Variants in CCDC171 observed in about 807,000 individuals in gnomAD.
The protein encoded by CCDC171 is coiled-coil domain containing 171.
Under a neutral mutation model 168.2 loss-of-function variants are expected in CCDC171, and 177 were observed. The observed-to-expected ratio is 1.05, with a 90% CI of 0.93 to 1.19. The LOEUF (loss-of-function observed/expected upper bound fraction) is 1.19, where lower values mean the gene tolerates loss of function less well. Among genes scored for constraint, CCDC171 ranks in the 50% most tolerant of loss-of-function variants. The pLI is 0.00. For missense variants in CCDC171, 1,991 were observed against 1,539.0 expected, an observed-to-expected ratio of 1.29 and a Z score of -4.91; for synonymous variants, 687 against 540.8, an observed-to-expected ratio of 1.27 and a Z score of -3.75.
chr9:15,634,263 T>G (rs771944848), intron 7 of CCDC171, among the ~76,000 whole-genome samples: 4 of 152,142 alleles, frequency 2.6e-5, no homozygotes, highest in African/African-American at 9.7e-5. Flanking sequence ...ATTAAAGATA[T>G]AATTTGAATA....
intron 24 of CCDC171, among the ~76,000 whole-genome samples, chr9:15,911,922 C>T (rs1167279793): frequency 6.6e-6 from 1 of 152,140 alleles, no homozygotes; most frequent in Non-Finnish European, 1.5e-5. Context: ...TGTTTTGGTA[C>T]CAGTACCATG....
At chr9:15,931,337 T>C (rs1589158905) in intron 25 of CCDC171, among the ~76,000 whole-genome samples, 1 of 151,722 alleles carries the variant, frequency 6.6e-6, no homozygotes, top group Non-Finnish European at 1.5e-5. Flanking sequence ...CCCTGATGAT[T>C]AGTGATGTTG....
intron 24 of CCDC171, among the ~76,000 whole-genome samples, chr9:15,903,356 G>T (rs1411491002): frequency 6.6e-6 from 1 of 152,118 alleles, no homozygotes; most frequent in African/African-American, 2.4e-5. Flanking sequence ...TGATCAGGCG[G>T]CAACCTTTGC....
chr9:15,745,006 A>G (rs1016179975), intron 17 of CCDC171, among the ~76,000 whole-genome samples: 4 of 152,208 alleles, frequency 2.6e-5, no homozygotes, highest in African/African-American at 7.2e-5. Flanking sequence ...GCAAATATAT[A>G]TAATTTCAAC....
chr9:15,686,990 A>G (rs910757739), intron 10 of CCDC171, among the ~76,000 whole-genome samples: 1 of 152,224 alleles, frequency 6.6e-6, no homozygotes, highest in African/African-American at 2.4e-5. Flanking sequence ...ATTCTTGTGG[A>G]TAGATCATAT....
intron 6 of CCDC171, among the ~76,000 whole-genome samples, chr9:16,027,250 T>C (rs867659441): frequency 2.4e-4 from 36 of 152,218 alleles, no homozygotes; most frequent in African/African-American, 7.7e-4. Flanking sequence ...GTGGGAATGA[T>C]ATTTTATTTA....
chr9:15,822,280 T>C (rs1292689537), intron 21 of CCDC171, among the ~76,000 whole-genome samples: 1 of 151,966 alleles, frequency 6.6e-6, no homozygotes, highest in Non-Finnish European at 1.5e-5. Context: ...TGGGCAAGGA[T>C]TTCATGTCTA....
intron 10 of CCDC171, among the ~76,000 whole-genome samples, chr9:15,685,739 G>C (rs2133562035): frequency 6.6e-6 from 1 of 152,076 alleles, no homozygotes; most frequent in Non-Finnish European, 1.5e-5. Flanking sequence ...TAATAAAACT[G>C]AAACAATTTG....
chr9:15,622,915 C>CTT (rs1448569942), intron 6 of CCDC171, among the ~76,000 whole-genome samples: 1 of 152,056 alleles, frequency 6.6e-6, no homozygotes, highest in Non-Finnish European at 1.5e-5. Context: ...GGGCAATATA[C>CTT]ATTTAAAAAT....
rs193070502 is a variant in CCDC171, at chr9:15,682,127, A to G, written c.1215+3231A>G. Among the ~76,000 whole-genome samples, 6 of 152,188 alleles carry G rather than the reference A, an allele frequency of 3.9e-5. No homozygotes were observed. In the East Asian group the frequency reaches 5.8e-4, roughly 15 times the overall value. On this transcript the variant is annotated intron_variant, in intron 10 of 25. Coordinates refer to ENST00000380701, the MANE Select transcript of CCDC171 (RefSeq NM_173550.4). ...AAGAAAGTTAAAGTCACTATCCTCT[A>G]TAGGTTTACTCGTGAGATCAAGGTG...
intron 3 of CCDC171, among the ~76,000 whole-genome samples, chr9:15,979,656 G>A (rs955070474): frequency 2.0e-4 from 30 of 151,798 alleles, no homozygotes; most frequent in Middle Eastern, 6.8e-3. Context: ...GTCATGGTGT[G>A]GTATGTAATC....
At chr9:15,555,737 G>T (rs2038736000) in intron 1 of CCDC171, among the ~76,000 whole-genome samples, 1 of 152,088 alleles carries the variant, frequency 6.6e-6, no homozygotes, top group African/African-American at 2.4e-5. Context: ...ACAATGTGCA[G>T]GTTTGTTACA....
Position 15,777,609 on chromosome 9 carries a change from C to T in CCDC171, c.2681C>T (p.Ser894Phe). ...QDVIGKADPN[S>F]RICGHLLIGA... ...TTCTTTTTCTTTGAAGATCCAAATT[C>T]CAGAATTTGTGGACATTTACTCATA... The change falls in exon 19 of 26, where the codon TCC becomes TTC. Residue 894 changes from serine to phenylalanine, a missense_variant. Ser to Phe is a radical substitution (Grantham distance 155). Coordinates refer to ENST00000380701, the MANE Select transcript of CCDC171 (RefSeq NM_173550.4). 4 of 1,599,094 alleles carry T rather than the reference C, an allele frequency of 2.5e-6. No individual in the cohort carries two copies. Among genetic ancestry groups the T allele is most frequent in the Non-Finnish European group, 2.6e-6 (3 of 1,175,872 alleles).
chr9:16,015,696 G>T (rs536256763), intron 3 of CCDC171, among the ~76,000 whole-genome samples: 1 of 152,062 alleles, frequency 6.6e-6, no homozygotes, highest in Non-Finnish European at 1.5e-5. Flanking sequence ...GAGAGCATTC[G>T]TATTGTTATG....
chr9:15,710,118 A>G (rs2052548768), intron 11 of CCDC171, among the ~76,000 whole-genome samples: 1 of 152,208 alleles, frequency 6.6e-6, no homozygotes, highest in Admixed American at 6.5e-5. Flanking sequence ...GAAGTCTTTT[A>G]AAAATATAAA....
At chr9:15,658,627 T>C (rs924836642) in intron 8 of CCDC171, among the ~76,000 whole-genome samples, 8 of 152,076 alleles carry the variant, frequency 5.3e-5, no homozygotes, top group African/African-American at 1.9e-4. Context: ...AGAGTCCTTA[T>C]AACAGGGAGG....
At chr9:16,098,751 A>T in the CCDC171 span, among the ~76,000 whole-genome samples, 2 of 152,226 alleles carry the variant, frequency 1.3e-5, no homozygotes. Flanking sequence ...GTTTTCAAAA[A>T]CAATTTATTG....
chr9:15,989,706 G>C (rs1021237420), intron 3 of CCDC171, among the ~76,000 whole-genome samples: 16 of 148,112 alleles, frequency 1.1e-4, no homozygotes, highest in Admixed American at 2.6e-4. Context: ...TGGCTAACTA[G>C]AATAACCAGT....
intron 25 of CCDC171, among the ~76,000 whole-genome samples, chr9:15,949,427 C>G (rs1020384755): frequency 6.6e-6 from 1 of 152,142 alleles, no homozygotes; most frequent in African/African-American, 2.4e-5. Context: ...TGGCCATTTT[C>G]ACGATATTGA....
Sources: gnomAD v4.1 joint callset for allele counts (sites outside exome capture counted in the v4.1 genomes callset) on GRCh38, gnomAD v4.1.1 for gene constraint, MANE v1.5 for transcripts, NCBI Gene and HGNC (gene_info 2026-07-23, HGNC 2026-07-21) for gene names.